The following DOCK2 variants were observed in gnomAD, a reference collection of about 807,000 sequenced individuals.
DOCK2 encodes dedicator of cytokinesis 2.
DOCK2 carries 87 observed loss-of-function variants against 248.9 expected under a neutral mutation model. The ratio of observed to expected loss-of-function variants is 0.35; its 90% CI spans 0.29 to 0.42. The LOEUF (loss-of-function observed/expected upper bound fraction) is 0.42, where lower values mean the gene tolerates loss of function less well. DOCK2 is among the 10% of genes least tolerant of loss of function. The pLI is 1.00. For synonymous variants in DOCK2, 805 were observed against 821.6 expected, an observed-to-expected ratio of 0.98 and a Z score of 0.35; for missense variants, 1,747 against 2,300.2, an observed-to-expected ratio of 0.76 and a Z score of 4.92.
At chr5:169,993,730 C>T (rs566812509) in intron 29 of DOCK2, among the ~76,000 whole-genome samples, 1 of 152,350 alleles carries the variant, frequency 6.6e-6, no homozygotes, top group African/African-American at 2.4e-5. Flanking sequence ...AATCCACTGG[C>T]AGCTTCAGTG....
At chr5:169,988,026 C>T (rs1321070653) in intron 29 of DOCK2, among the ~76,000 whole-genome samples, 2 of 152,140 alleles carry the variant, frequency 1.3e-5, no homozygotes, top group Non-Finnish European at 2.9e-5. Context: ...CTCCTTAGCA[C>T]AGTGCCAGGA....
intron 27 of DOCK2, among the ~76,000 whole-genome samples, chr5:169,925,832 C>CTGTT (rs1245260155): frequency 1.3e-5 from 2 of 152,236 alleles, no homozygotes; most frequent in Non-Finnish European, 2.9e-5. Context: ...GCTATTATCA[C>CTGTT]TGTTTCTGGA....
chr5:169,671,264 G>C, intron 5 of DOCK2, 90 bp downstream of exon 5: 3 of 1,200,476 alleles, frequency 2.5e-6, no homozygotes, highest in Non-Finnish European at 3.6e-6. Context: ...AGTCAGGCAG[G>C]TGGAGGTGGC....
intron 34 of DOCK2, among the ~76,000 whole-genome samples, chr5:170,030,827 C>G (rs4569890): frequency 0.25 from 37,298 of 152,184 alleles, 5,061 homozygotes; most frequent in East Asian, 0.49. Flanking sequence ...TTCAGGGCCT[C>G]ACTGATACAC....
Position 169,721,589 on chromosome 5 carries a change from T to C in DOCK2, c.2267+2798T>C, listed in dbSNP as rs201120283. 2.0e-5 allele frequency among the ~76,000 whole-genome samples: 3 copies of C among 152,226 alleles called. No individual in the cohort carries two copies. The South Asian group carries it at 6.2e-4, about 31-fold the overall frequency. On this transcript the variant is annotated intron_variant, in intron 22 of 51. Coordinates refer to ENST00000520908, the MANE Select transcript of DOCK2 (RefSeq NM_004946.3). Reference sequence around the variant, plus strand: ...ATTGAATTATTGGTTTGGGGCTAATTGTATCTGGTATTGTGTGTCTGTTTC... The same window carrying C: ...ATTGAATTATTGGTTTGGGGCTAATCGTATCTGGTATTGTGTGTCTGTTTC...
At chr5:169,819,482 A>G (rs980388543) in intron 26 of DOCK2, among the ~76,000 whole-genome samples, 2 of 152,162 alleles carry the variant, frequency 1.3e-5, no homozygotes, top group East Asian at 3.9e-4. Context: ...TTAGCTGGTC[A>G]TGGTAGCATG....
At chr5:169,961,704 G>A (rs997508625) in intron 27 of DOCK2, among the ~76,000 whole-genome samples, 10 of 152,124 alleles carry the variant, frequency 6.6e-5, no homozygotes, top group African/African-American at 1.2e-4. Context: ...CAGGCCGGGT[G>A]CAGTGGCTCA....
At chr5:169,704,076 G>C (rs264843) in intron 14 of DOCK2, 5 of 152,128 alleles carry the variant, frequency 3.3e-5, no homozygotes, top group African/African-American at 4.8e-5. Context: ...AGATGAGTAG[G>C]TAAGCAGGTA....
intron 27 of DOCK2, among the ~76,000 whole-genome samples, chr5:169,951,248 G>A (rs1190197286): frequency 6.6e-6 from 1 of 152,214 alleles, no homozygotes; most frequent in Non-Finnish European, 1.5e-5. Flanking sequence ...ACCTTCCCTA[G>A]TGTGGACAGT....
rs192826897 is a variant in DOCK2 at position 169,718,181 on chromosome 5, C to A, written c.2133-476C>A. Among the ~76,000 whole-genome samples, 314 of 152,100 alleles carry A rather than the reference C, an allele frequency of 2.1e-3. 1 individual carries two copies. Among genetic ancestry groups the A allele is most frequent in the African/African-American group, 6.6e-3 (276 of 41,508 alleles). ...GAGGGTGAGAGATAGGAGATGATGC[C>A]ACAGGGAGTTTGGTGGGGACCAGTT... On this transcript the variant is annotated intron_variant, in intron 21 of 51. Coordinates refer to ENST00000520908, the MANE Select transcript of DOCK2 (RefSeq NM_004946.3).
In DOCK2 at chr5:169,751,486, C is replaced by T. The variant is rs560823506; in HGVS notation, c.2376+3982C>T. The stretch of plus-strand genomic sequence containing the variant: ...GCTGGGTGCAGAGGATATGAATGCC[C>T]GTGGTTGATGTTCCTGGTTCAAACT... On this transcript the variant is annotated intron_variant, in intron 23 of 51. Transcript: ENST00000520908. 5.1e-4 allele frequency among the ~76,000 whole-genome samples: 78 copies of T among 152,210 alleles called. 2 individuals are homozygous for T. In the Middle Eastern group the frequency reaches 0.01, roughly 20 times the overall value.
chr5:169,852,633 T>G (rs1362389576), intron 27 of DOCK2, among the ~76,000 whole-genome samples: 1 of 152,214 alleles, frequency 6.6e-6, no homozygotes, highest in Non-Finnish European at 1.5e-5. Flanking sequence ...AAAACATGTT[T>G]GAAGCTCACT....
intron 26 of DOCK2, among the ~76,000 whole-genome samples, chr5:169,807,833 CAAAAAAAAAAA>C (rs61670398): frequency 2.1e-4 from 5 of 24,218 alleles, no homozygotes; most frequent in Admixed American, 5.8e-4. Flanking sequence ...GACTCTGTCT[CAAAAAAAAAAA>C]AAAAAAAAAA....
chr5:170,042,629 C>G (rs1294285251), intron 38 of DOCK2, among the ~76,000 whole-genome samples: 1 of 152,166 alleles, frequency 6.6e-6, no homozygotes, highest in Non-Finnish European at 1.5e-5. Context: ...CTTGCTTTTC[C>G]CAGCTGGAAG....
chr5:169,828,873 G>C (rs945766709), intron 26 of DOCK2, among the ~76,000 whole-genome samples: 2 of 152,150 alleles, frequency 1.3e-5, no homozygotes, highest in African/African-American at 4.8e-5. Flanking sequence ...ACTTGTGCTA[G>C]GTGTTGAGCC....
rs1379509661 is a variant in DOCK2 at position 169,647,412 on chromosome 5, A to C, written c.44-6991A>C. Reference sequence around the variant, plus strand: ...TAAAGGGTAAGAGTTGGAGGTTTTAAAATTTTCTGGTGGCCTTATAGGATT... The same window carrying C: ...TAAAGGGTAAGAGTTGGAGGTTTTACAATTTTCTGGTGGCCTTATAGGATT... On this transcript the variant is annotated intron_variant, in intron 1 of 51. Transcript: ENST00000520908. Among the ~76,000 whole-genome samples the C allele has an allele frequency of 3.3e-5, 5 of 152,042 alleles. No individual in the cohort carries two copies. The East Asian group carries it at 9.7e-4, about 29-fold the overall frequency.
chr5:169,933,733 C>T (rs987209051), intron 27 of DOCK2, among the ~76,000 whole-genome samples: 2 of 152,156 alleles, frequency 1.3e-5, no homozygotes, highest in Non-Finnish European at 2.9e-5. Context: ...GTCAGACACC[C>T]ACTTCTCAGA....
chr5:169,645,907 G>A (rs563143190), intron 1 of DOCK2, among the ~76,000 whole-genome samples: 123 of 151,934 alleles, frequency 8.1e-4, no homozygotes, highest in Middle Eastern at 3.4e-3. Flanking sequence ...CCACCACCAC[G>A]CCCGGCTAAT....
intron 27 of DOCK2, among the ~76,000 whole-genome samples, chr5:169,924,570 AC>A (rs1775338227): frequency 6.6e-6 from 1 of 152,226 alleles, no homozygotes; most frequent in African/African-American, 2.4e-5. Context: ...CTCACTGAAC[AC>A]CCATCTCATC....
Sources: allele counts gnomAD v4.1 joint callset (sites outside exome capture counted in the v4.1 genomes callset), GRCh38; gene constraint gnomAD v4.1.1; transcripts MANE v1.5; gene names NCBI Gene and HGNC (gene_info 2026-07-23, HGNC 2026-07-21).